DNAH14: variants seen among roughly 807,000 people sequenced by gnomAD.
The protein encoded by DNAH14 is dynein axonemal heavy chain 14.
In DNAH14, 478 loss-of-function variants were observed where a neutral mutation model predicts 520.9. The ratio of observed to expected loss-of-function variants is 0.92; its 90% CI spans 0.85 to 0.99. The LOEUF (loss-of-function observed/expected upper bound fraction) is 0.99. DNAH14 is among the 50% of genes least tolerant of loss of function. The pLI, the probability that DNAH14 is intolerant of heterozygous loss-of-function variation, is 0.00. For missense variants in DNAH14, 4,831 were observed against 5,234.5 expected, an observed-to-expected ratio of 0.92 and a Z score of 2.38; for synonymous variants, 1,581 against 1,757.2, an observed-to-expected ratio of 0.90 and a Z score of 2.51.
intron 1 of DNAH14, among the ~76,000 whole-genome samples, chr1:224,945,859 T>C (rs1365829720): frequency 6.6e-6 from 1 of 152,284 alleles, no homozygotes; most frequent in Admixed American, 6.5e-5. Flanking sequence ...AAGTTTTGTC[T>C]CAGAGGAGTA....
chr1:225,043,117 A>G lies in DNAH14; in HGVS notation c.1768+3A>G. ...CAATCTTGAAGATATTATTTCAGGT[A>G]AGACAATTGAGACTATAAAGAATGA... On this transcript the variant is annotated splice_donor_region_variant and intron_variant, in intron 13 of 85. Transcript: ENST00000682510. 2 of 1,547,782 alleles carry G rather than the reference A, an allele frequency of 1.3e-6. No homozygotes were observed. Among genetic ancestry groups the G allele is most frequent in the African/African-American group, 1.4e-5 (1 of 72,908 alleles).
Position 225,307,546 on chromosome 1 carries a change from C to A in DNAH14, c.9091C>A (p.Pro3031Thr). ...EMQEELLILG[P>T]QVEQKTKETE... is the part of the protein sequence containing the mutation. ...GCAAGAAGAGCTCTTGATTCTTGGCCCTCAAGTAGAACAAAAAACAAAGGT... is the reference window on the plus strand; with the variant it reads ...GCAAGAAGAGCTCTTGATTCTTGGCACTCAAGTAGAACAAAAAACAAAGGT... The change falls in exon 59 of 86, where the codon CCT becomes ACT. Residue 3031 changes from proline (P) to threonine (T), a missense_variant. Coordinates refer to ENST00000682510, the MANE Select transcript of DNAH14 (RefSeq NM_001367479.1). 1 of 1,543,052 alleles carries A rather than the reference C, an allele frequency of 6.5e-7. No homozygotes were observed. Among genetic ancestry groups the A allele is most frequent in the South Asian group, 1.2e-5 (1 of 82,800 alleles).
At chr1:225,324,115 C>A in intron 62 of DNAH14, 107 bp from the exon 63 acceptor site, 1 of 1,396,268 alleles carries the variant, frequency 7.2e-7, no homozygotes, top group Non-Finnish European at 9.7e-7. Context: ...CGCCCCCGGC[C>A]TGAATATTTT....
chr1:224,940,894 A>C (rs1389170225), intron 1 of DNAH14, among the ~76,000 whole-genome samples: 4 of 152,206 alleles, frequency 2.6e-5, no homozygotes, highest in Non-Finnish European at 5.9e-5. Flanking sequence ...TATATGTGCC[A>C]CATTTCCTTA....
intron 10 of DNAH14, among the ~76,000 whole-genome samples, chr1:225,017,882 G>A (rs1038060080): frequency 1.3e-5 from 2 of 152,126 alleles, no homozygotes; most frequent in Non-Finnish European, 2.9e-5. Context: ...CCAAATACTT[G>A]AGGGCAATAA....
chr1:225,307,297 T>C (rs539880996), intron 58 of DNAH14, among the ~76,000 whole-genome samples, 164 bp from the exon 59 acceptor site: 23 of 152,336 alleles, frequency 1.5e-4, no homozygotes, highest in African/African-American at 5.5e-4. Flanking sequence ...CTTGTTAATA[T>C]AGTGGATTAT....
intron 49 of DNAH14, among the ~76,000 whole-genome samples, chr1:225,269,252 G>A (rs2093231160): frequency 6.6e-6 from 1 of 152,128 alleles, no homozygotes; most frequent in South Asian, 2.1e-4. Context: ...TTAATAAATG[G>A]TGCTGGGAAA....
At chr1:224,951,862 A>G (rs1333914781) in intron 1 of DNAH14, among the ~76,000 whole-genome samples, 1 of 151,804 alleles carries the variant, frequency 6.6e-6, no homozygotes, top group Non-Finnish European at 1.5e-5. Flanking sequence ...CGTGGTCTCA[A>G]TCTCCTGACC....
At chr1:225,144,891 CATT>C (rs1208207528) in intron 29 of DNAH14, among the ~76,000 whole-genome samples, 1 of 137,446 alleles carries the variant, frequency 7.3e-6, no homozygotes, top group African/African-American at 3.3e-5. Context: ...TGATTAATAT[CATT>C]GTGTGTGTGT....
intron 46 of DNAH14, among the ~76,000 whole-genome samples, chr1:225,261,176 T>G (rs893212917): frequency 6.6e-6 from 1 of 152,178 alleles, no homozygotes; most frequent in Non-Finnish European, 1.5e-5. Flanking sequence ...CAGTTCTATG[T>G]TGAAAAGAAG....
chr1:225,056,488 C>G (rs1389500227), intron 17 of DNAH14, among the ~76,000 whole-genome samples: 2 of 152,078 alleles, frequency 1.3e-5, no homozygotes, highest in African/African-American at 2.4e-5. Flanking sequence ...GTTGCCTGTT[C>G]ACTCTGATGG....
At chr1:225,144,860 C>G (rs1036816809) in intron 29 of DNAH14, among the ~76,000 whole-genome samples, 1 of 151,592 alleles carries the variant, frequency 6.6e-6, no homozygotes, top group African/African-American at 2.4e-5. Flanking sequence ...TGGAATACTA[C>G]TTTACTGACT....
At chr1:225,154,467 A>G (rs1043740722) in intron 34 of DNAH14, among the ~76,000 whole-genome samples, 1 of 152,150 alleles carries the variant, frequency 6.6e-6, no homozygotes, top group Non-Finnish European at 1.5e-5. Context: ...ATTAAGACAT[A>G]TAACAAAGCT....
At chr1:225,285,046 G>A (rs1322653133) in intron 54 of DNAH14, among the ~76,000 whole-genome samples, 1 of 152,150 alleles carries the variant, frequency 6.6e-6, no homozygotes, top group East Asian at 1.9e-4. Context: ...AAGACAAAAT[G>A]CTTTTCCCCT....
At chr1:225,051,915 A>T in intron 17 of DNAH14, 120 bp downstream of exon 17, 1 of 686,536 alleles carries the variant, frequency 1.5e-6, no homozygotes, top group Non-Finnish European at 2.2e-6. Flanking sequence ...ATAAAGGTGA[A>T]AAAATGAAGA....
intron 41 of DNAH14, among the ~76,000 whole-genome samples, chr1:225,227,723 C>A (rs560200109): frequency 6.6e-6 from 1 of 152,210 alleles, no homozygotes; most frequent in Admixed American, 6.5e-5. Context: ...AAGTCCATGC[C>A]ACCCCAAGAC....
chr1:225,288,145 A>G (rs1339645251), intron 54 of DNAH14, among the ~76,000 whole-genome samples: 1 of 152,138 alleles, frequency 6.6e-6, no homozygotes. Flanking sequence ...GAAGGGGGAA[A>G]AAAGAGTAAC....
Position 225,346,632 on chromosome 1 carries a change from A to G in DNAH14, c.11274A>G (p.Ala3758=). ...GCATATTGATAAATATTAAAAGTGC[A>G]TTATCCCAGTCTAGACTTACTAGTA... The part of the protein sequence containing the change: ...YSGILINIKS[A]LSQSRLTSTF... The change falls in exon 71 of 86, where the codon GCA becomes GCG. Residue 3758 remains alanine (A), a synonymous_variant. Coordinates refer to ENST00000682510, the MANE Select transcript of DNAH14 (RefSeq NM_001367479.1). 6.5e-7 allele frequency: 1 copy of G among 1,548,008 alleles called. No individual in the cohort carries two copies. The highest frequency in any genetic ancestry group is 8.7e-7 in the Non-Finnish European group (1 of 1,145,056).
At chr1:225,138,310 C>G (rs971438915) in intron 27 of DNAH14, among the ~76,000 whole-genome samples, 2 of 152,220 alleles carry the variant, frequency 1.3e-5, no homozygotes, top group Non-Finnish European at 2.9e-5. Context: ...CCGTTTCCCC[C>G]AAACCGCAGA....
Sources: allele counts gnomAD v4.1 joint callset (sites outside exome capture counted in the v4.1 genomes callset), GRCh38; gene constraint gnomAD v4.1.1; transcripts MANE v1.5; gene names NCBI Gene and HGNC (gene_info 2026-07-23, HGNC 2026-07-21).